MRRF: variants seen among roughly 807,000 people sequenced by gnomAD.
The protein encoded by MRRF is ribosome-recycling factor, mitochondrial.
Under a neutral mutation model 25.1 loss-of-function variants are expected in MRRF, and 18 were observed. That is an observed-to-expected ratio of 0.72 (90% confidence interval 0.50 to 1.06). The LOEUF is 1.06. Ranked by LOEUF, MRRF falls within the 50% of genes least tolerant of loss-of-function variation. The probability of loss-of-function intolerance (pLI) is 0.00; values close to 1 mark genes in which losing one functional copy is unlikely to be tolerated. For missense variants in MRRF, 323 were observed against 319.3 expected (o/e 1.01, Z -0.09); for synonymous variants, 113 against 112.1 (o/e 1.01, Z -0.05).
chr9:122,304,623 C>A (rs772647001), intron 5 of MRRF, among the ~76,000 whole-genome samples: 1 of 152,210 alleles, frequency 6.6e-6, no homozygotes, highest in East Asian at 1.9e-4. Context: ...ATGGTACCTA[C>A]CGGTTGACTA....
chr9:122,292,402 A>G (rs1833832949), intron 5 of MRRF, among the ~76,000 whole-genome samples: 1 of 152,216 alleles, frequency 6.6e-6, no homozygotes. Flanking sequence ...AGTCCTTGCT[A>G]GTCGAAGAAT....
chr9:122,320,775 G>A (rs1264949223), intron 6 of MRRF, among the ~76,000 whole-genome samples: 1 of 152,202 alleles, frequency 6.6e-6, no homozygotes, highest in Non-Finnish European at 1.5e-5. Context: ...AGTGCATTTA[G>A]TTCTCAATTC....
chr9:122,290,068 AAAAAG>A (rs1833667126), intron 4 of MRRF, among the ~76,000 whole-genome samples: 11 of 152,004 alleles, frequency 7.2e-5, no homozygotes, highest in African/African-American at 2.7e-4. Context: ...AAAAAAAAGA[AAAAAG>A]AAAAAGAAAA....
intron 5 of MRRF, among the ~76,000 whole-genome samples, chr9:122,302,009 G>T (rs1428771578): frequency 6.6e-6 from 1 of 151,550 alleles, no homozygotes; most frequent in Non-Finnish European, 1.5e-5. Flanking sequence ...CTCCCAAAAT[G>T]CTGGGATTAC....
At chr9:122,305,377 A>C (rs1001742844) in intron 5 of MRRF, among the ~76,000 whole-genome samples, 10 of 145,398 alleles carry the variant, frequency 6.9e-5, no homozygotes, top group African/African-American at 2.6e-4. Context: ...ATGCCACTAC[A>C]CTCCAGCCTG....
chr9:122,273,463 C>A (rs1452854675), intron 2 of MRRF, among the ~76,000 whole-genome samples: 5 of 147,522 alleles, frequency 3.4e-5, no homozygotes, highest in Non-Finnish European at 6.0e-5. Context: ...AAAAAAAGAT[C>A]TTGTACAGTT....
At chr9:122,273,647 C>T (rs1832601657) in intron 2 of MRRF, among the ~76,000 whole-genome samples, 1 of 152,178 alleles carries the variant, frequency 6.6e-6, no homozygotes, top group Non-Finnish European at 1.5e-5. Flanking sequence ...ACTTATTACC[C>T]AAATCAATAA....
At chr9:122,306,827 C>T (rs1834877591) in intron 5 of MRRF, among the ~76,000 whole-genome samples, 1 of 152,130 alleles carries the variant, frequency 6.6e-6, no homozygotes, top group Non-Finnish European at 1.5e-5. Flanking sequence ...CCTTAACCTC[C>T]TTTCTCATTT....
intron 5 of MRRF, among the ~76,000 whole-genome samples, chr9:122,301,933 G>A (rs1191870440): frequency 6.7e-6 from 1 of 150,170 alleles, no homozygotes; most frequent in Non-Finnish European, 1.5e-5. Context: ...TAGTAGAGAC[G>A]GGGTTTCACC....
chr9:122,315,956 AT>A (rs1321752067), intron 6 of MRRF, among the ~76,000 whole-genome samples: 1 of 151,632 alleles, frequency 6.6e-6, no homozygotes, highest in Non-Finnish European at 1.5e-5. Flanking sequence ...TTCAGATTAA[AT>A]TTTTTTTCTT....
At chr9:122,293,029 G>A (rs982000599) in intron 5 of MRRF, among the ~76,000 whole-genome samples, 1 of 152,034 alleles carries the variant, frequency 6.6e-6, no homozygotes, top group Non-Finnish European at 1.5e-5. Context: ...TCTCTTCCTC[G>A]GGCTTCCCTG....
intron 5 of MRRF, among the ~76,000 whole-genome samples, chr9:122,309,510 T>C (rs1315782541): frequency 6.6e-6 from 1 of 152,232 alleles, no homozygotes; most frequent in East Asian, 1.9e-4. Context: ...CTTAGGCAAC[T>C]TAAATATCAC....
At chr9:122,285,508 C>T (rs781714661) in intron 4 of MRRF, 16 of 523,286 alleles carry the variant, frequency 3.1e-5, no homozygotes, top group African/African-American at 7.8e-5. Flanking sequence ...AATACCCAAA[C>T]GGGTCCCATC....
chr9:122,274,369 G>A (rs1832645548), intron 2 of MRRF, among the ~76,000 whole-genome samples: 1 of 152,166 alleles, frequency 6.6e-6, no homozygotes, highest in African/African-American at 2.4e-5. Context: ...AAAGGAAAAA[G>A]ATTTAGGCCA....
intron 5 of MRRF, among the ~76,000 whole-genome samples, chr9:122,308,472 G>T (rs1364669601): frequency 6.6e-6 from 1 of 150,892 alleles, no homozygotes; most frequent in Non-Finnish European, 1.5e-5. Context: ...GCCGAGGCAG[G>T]CAGATCACTT....
intron 6 of MRRF, among the ~76,000 whole-genome samples, chr9:122,313,890 G>A (rs1240998080): frequency 6.6e-6 from 1 of 152,052 alleles, no homozygotes; most frequent in Non-Finnish European, 1.5e-5. Context: ...GAGACAAGGG[G>A]GAAAAGTGTA....
Position 122,322,858 on chromosome 9 carries a change from C to T in MRRF, c.*241C>T, listed in dbSNP as rs1271566227. 2 of 589,182 alleles carry T rather than the reference C, an allele frequency of 3.4e-6. No homozygotes were observed. The highest frequency in any genetic ancestry group is 2.9e-5 in the East Asian group (1 of 34,456). 36.5% of individuals were successfully genotyped at this position (589,182 alleles called of 1,614,324 possible). ...ACTTGCTGCTGGCAAAAGGCCTGTA[C>T]TCAGGCATTTGCTTTGACTTGATGT... On this transcript the variant is annotated 3_prime_UTR_variant, in exon 7 of 7. Coordinates refer to ENST00000344641, the MANE Select transcript of MRRF (RefSeq NM_138777.5).
At chr9:122,297,234 G>A (rs576018640) in intron 5 of MRRF, among the ~76,000 whole-genome samples, 3 of 152,218 alleles carry the variant, frequency 2.0e-5, no homozygotes, top group South Asian at 2.1e-4. Flanking sequence ...GCTTGAACCC[G>A]GGAGGTGGAG....
At chr9:122,276,125 G>T (rs1289570151) in intron 2 of MRRF, among the ~76,000 whole-genome samples, 1 of 151,868 alleles carries the variant, frequency 6.6e-6, no homozygotes, top group Admixed American at 6.6e-5. Flanking sequence ...TGTTGGCCAG[G>T]CTGGTCTCGA....
Sources: gnomAD v4.1 joint callset for allele counts (sites outside exome capture counted in the v4.1 genomes callset) on GRCh38, gnomAD v4.1.1 for gene constraint, MANE v1.5 for transcripts, NCBI Gene and HGNC (gene_info 2026-07-23, HGNC 2026-07-21) for gene names.